The following GRIP1 variants were observed in gnomAD, a reference collection of about 807,000 sequenced individuals.
The protein encoded by GRIP1 is glutamate receptor-interacting protein 1.
A neutral mutation model predicts 129.9 loss-of-function variants in GRIP1; 45 were observed. That is an observed-to-expected ratio of 0.35 (90% CI 0.27 to 0.44). The LOEUF is 0.44. Among genes scored for constraint, GRIP1 ranks in the 20% least tolerant of loss-of-function variants. The probability of loss-of-function intolerance (pLI) is 1.00; values close to 1 mark genes in which losing one functional copy is unlikely to be tolerated. For synonymous variants in GRIP1, 530 were observed against 520.8 expected (o/e 1.02, Z -0.24); for missense variants, 1,196 against 1,396.8 (o/e 0.86, Z 2.29).
intron 1 of GRIP1, among the ~76,000 whole-genome samples, chr12:66,705,827 T>C (rs956791956): frequency 1.3e-5 from 2 of 152,144 alleles, no homozygotes; most frequent in African/African-American, 4.8e-5. Flanking sequence ...ATTCAGTAAA[T>C]GGTGTTAGGA....
chr12:67,020,718 C>A (rs1197568470), intron 1 of GRIP1, among the ~76,000 whole-genome samples: 1 of 152,014 alleles, frequency 6.6e-6, no homozygotes, highest in African/African-American at 2.4e-5. Flanking sequence ...TAAGAGTAAG[C>A]CCATATTATT....
At chr12:66,546,444 C>G (rs1175930594) in intron 2 of GRIP1, among the ~76,000 whole-genome samples, 1 of 151,966 alleles carries the variant, frequency 6.6e-6, no homozygotes, top group Non-Finnish European at 1.5e-5. Context: ...AAGCTATGAT[C>G]ATGCCATTGC....
At chr12:66,785,343 C>CACATATATATATATAT (rs1555237393) in intron 1 of GRIP1, among the ~76,000 whole-genome samples, 1 of 72,780 alleles carries the variant, frequency 1.4e-5, no homozygotes, top group Non-Finnish European at 2.8e-5. Flanking sequence ...TACATACATA[C>CACATATATATATATAT]ATATATATAT....
At chr12:66,973,959 G>A (rs150976915) in intron 1 of GRIP1, among the ~76,000 whole-genome samples, 52 of 126,272 alleles carry the variant, frequency 4.1e-4, no homozygotes, top group African/African-American at 1.4e-3. Flanking sequence ...TCACTTTGTC[G>A]CCCAGACTGG....
At chr12:66,477,367 T>G (rs868740067) in intron 7 of GRIP1, among the ~76,000 whole-genome samples, 5 of 151,400 alleles carry the variant, frequency 3.3e-5, no homozygotes, top group African/African-American at 9.7e-5. Context: ...CACTGCTCAA[T>G]GAAATAAAAG....
intron 1 of GRIP1, among the ~76,000 whole-genome samples, chr12:66,602,834 G>C (rs1296053061): frequency 7.0e-6 from 1 of 143,302 alleles, no homozygotes; most frequent in African/African-American, 2.6e-5. Flanking sequence ...TTCCTAAAGG[G>C]ACCAGATCTT....
chr12:66,422,812 G>A (rs769861753), intron 14 of GRIP1, among the ~76,000 whole-genome samples: 1 of 152,092 alleles, frequency 6.6e-6, no homozygotes. Flanking sequence ...CTCCTTTAAT[G>A]GACTCGATAG....
At chr12:66,896,286 A>G (rs752943286) in intron 1 of GRIP1, among the ~76,000 whole-genome samples, 1 of 152,046 alleles carries the variant, frequency 6.6e-6, no homozygotes, top group Non-Finnish European at 1.5e-5. Flanking sequence ...GTTGCCCCAA[A>G]CATTCAATAA....
chr12:66,759,949 G>C (rs530783795), intron 1 of GRIP1, among the ~76,000 whole-genome samples: 4 of 152,054 alleles, frequency 2.6e-5, no homozygotes, highest in African/African-American at 7.2e-5. Context: ...CCGCCTTCCG[G>C]GTTCACGCCA....
intron 1 of GRIP1, among the ~76,000 whole-genome samples, chr12:66,831,313 T>C (rs935963498): frequency 1.3e-5 from 2 of 152,236 alleles, no homozygotes; most frequent in Middle Eastern, 3.2e-3. Flanking sequence ...TAGTTCATGC[T>C]GATTTATTCA....
chr12:66,957,417 AAT>A (rs60559996), intron 1 of GRIP1, among the ~76,000 whole-genome samples: 23,583 of 147,212 alleles, frequency 0.16, 2,742 homozygotes, highest in African/African-American at 0.33. Flanking sequence ...GCTTTAATCT[AAT>A]ATATATATAT....
chr12:66,752,101 A>G (rs564851068), intron 1 of GRIP1, among the ~76,000 whole-genome samples: 2 of 152,300 alleles, frequency 1.3e-5, no homozygotes, highest in Admixed American at 1.3e-4. Context: ...CTTCTTGTAG[A>G]GAGAAAAGAT....
At chr12:66,380,232 T>G (rs1369809045) in intron 19 of GRIP1, among the ~76,000 whole-genome samples, 2 of 152,240 alleles carry the variant, frequency 1.3e-5, no homozygotes, top group East Asian at 1.9e-4. Context: ...TTGAAAGTGC[T>G]TGGGCCCTGG....
intron 5 of GRIP1, among the ~76,000 whole-genome samples, chr12:66,518,717 G>T (rs1038930060): frequency 6.6e-6 from 1 of 152,138 alleles, no homozygotes; most frequent in African/African-American, 2.4e-5. Flanking sequence ...ATGTGAGGCT[G>T]CTCACTCCAC....
chr12:66,455,313 C>T (rs1190829319), intron 11 of GRIP1, 96 bp downstream of exon 11: 4 of 1,141,440 alleles, frequency 3.5e-6, no homozygotes, highest in Non-Finnish European at 5.3e-6. Flanking sequence ...ACTTAAGCAA[C>T]TGTGAAACAC....
upstream of GRIP1, among the ~76,000 whole-genome samples, chr12:66,805,559 C>T (rs1592863150): frequency 6.6e-6 from 1 of 152,166 alleles, no homozygotes; most frequent in Non-Finnish European, 1.5e-5. Flanking sequence ...TTTTAAAAAG[C>T]CTTCTTACTG....
intron 1 of GRIP1, chr12:67,065,005 T>C (rs2043599687): frequency 6.6e-6 from 1 of 150,396 alleles, no homozygotes; most frequent in African/African-American, 2.4e-5. Context: ...ATGCGGTGTT[T>C]GGTTTTTTGT....
chr12:66,899,779 T>C (rs2040815421), intron 1 of GRIP1, among the ~76,000 whole-genome samples: 1 of 152,196 alleles, frequency 6.6e-6, no homozygotes. Context: ...CCACAACTAC[T>C]GCAATGAGTG....
At chr12:66,536,620 A>G (rs2061611425) in intron 4 of GRIP1, among the ~76,000 whole-genome samples, 1 of 151,712 alleles carries the variant, frequency 6.6e-6, no homozygotes, top group Non-Finnish European at 1.5e-5. Flanking sequence ...TGTCCTAACC[A>G]CCCTATTTGC....
Sources: allele counts gnomAD v4.1 joint callset (sites outside exome capture counted in the v4.1 genomes callset), GRCh38; gene constraint gnomAD v4.1.1; transcripts MANE v1.5; gene names NCBI Gene and HGNC (gene_info 2026-07-23, HGNC 2026-07-21).